TAFA5: variants seen among roughly 807,000 people sequenced by gnomAD.
TAFA5 encodes TAFA chemokine like family member 5, also known as chemokine-like protein TAFA-5.
A neutral mutation model predicts 15.3 loss-of-function variants in TAFA5; 6 were observed. The ratio of observed to expected loss-of-function variants is 0.39; its 90% CI spans 0.21 to 0.77. TAFA5 has a LOEUF of 0.77. TAFA5 is among the 30% of genes least tolerant of loss of function. The pLI, the probability that TAFA5 is intolerant of heterozygous loss-of-function variation, is 0.41. For missense variants in TAFA5, 161 were observed against 193.1 expected (o/e 0.83, Z 0.98); for synonymous variants, 103 against 80.7 (o/e 1.28, Z -1.48).
At chr22:48,524,100 C>G (rs974895087) in intron 1 of TAFA5, among the ~76,000 whole-genome samples, 1 of 152,222 alleles carries the variant, frequency 6.6e-6, no homozygotes, top group Non-Finnish European at 1.5e-5. Context: ...TTATTTTAGT[C>G]CATTATGGCT....
intron 1 of TAFA5, among the ~76,000 whole-genome samples, chr22:48,565,723 T>C (rs1923386195): frequency 6.6e-6 from 1 of 152,234 alleles, no homozygotes; most frequent in Non-Finnish European, 1.5e-5. Flanking sequence ...GGAACACACA[T>C]GCTGGCTTCA....
Position 48,750,661 on chromosome 22 carries a change from C to T in TAFA5, c.*814C>T, listed in dbSNP as rs764024174. Reference sequence around the variant, plus strand: ...TAACCAGTTAAACATGCCTCTTCTACAGCTCCATTTTTGATAGTTGGATAA... The same window carrying T: ...TAACCAGTTAAACATGCCTCTTCTATAGCTCCATTTTTGATAGTTGGATAA... On this transcript the variant is annotated 3_prime_UTR_variant, in exon 4 of 4. Coordinates refer to ENST00000402357, the MANE Select transcript of TAFA5 (RefSeq NM_001082967.3). The T allele has an allele frequency of 6.5e-6, 1 of 153,110 alleles. No homozygotes were observed. The highest frequency in any genetic ancestry group is 1.5e-5 in the Non-Finnish European group (1 of 68,172). The allele number at this position is 153,110 out of a possible 1,614,324, so 9.5% of individuals were successfully genotyped here.
intron 1 of TAFA5, among the ~76,000 whole-genome samples, chr22:48,494,670 C>T (rs1928264861): frequency 6.6e-6 from 1 of 152,140 alleles, no homozygotes; most frequent in African/African-American, 2.4e-5. Context: ...CTGTGGAGGC[C>T]CTGGATAGGC....
chr22:48,680,522 G>T (rs1184403101), intron 2 of TAFA5, among the ~76,000 whole-genome samples: 1 of 152,134 alleles, frequency 6.6e-6, no homozygotes, highest in African/African-American at 2.4e-5. Flanking sequence ...ACCAAGAAAG[G>T]GAAGTGGGCA....
intron 1 of TAFA5, among the ~76,000 whole-genome samples, chr22:48,616,520 C>T (rs746634687): frequency 2.6e-4 from 40 of 152,314 alleles, no homozygotes; most frequent in Admixed American, 1.2e-3. Flanking sequence ...GCTCCTGGAG[C>T]CTGGCCGCTT....
Position 48,658,878 on chromosome 22 carries a change from G to T in TAFA5, c.262+12132G>T, listed in dbSNP as rs577514183. ...GTTCAGATGGACAGTGCCCTGTGCT[G>T]AGGGGTGTGGAGGGAGCAGTGACAA... On this transcript the variant is annotated intron_variant, in intron 2 of 3. Coordinates refer to ENST00000402357, the MANE Select transcript of TAFA5 (RefSeq NM_001082967.3). Among the ~76,000 whole-genome samples, 11 of 152,356 alleles carry T rather than the reference G, an allele frequency of 7.2e-5. No individual in the cohort carries two copies. In the East Asian group the frequency reaches 1.9e-3, roughly 27 times the overall value.
chr22:48,489,688 G>A lies in TAFA5; in HGVS notation c.96G>A (p.Leu32=). ...GGGCGTTCATGATCCTGGCCAGCCT[G>A]CTCATCGCCTACTGCAGTGAGTACC... ...TFWAFMILAS[L]LIAYCSQLAA... Residue 32 remains leucine (L), a synonymous_variant, in exon 1 of 4, where the codon CTG becomes CTA. Transcript: ENST00000402357. This position sits in a 1 kb window ranked among gnomAD's most constrained non-coding sequence, Gnocchi z 5.5. The A allele has an allele frequency of 6.6e-7, 1 of 1,515,086 alleles. No homozygotes were observed. The highest frequency in any genetic ancestry group is 8.8e-7 in the Non-Finnish European group (1 of 1,130,052). 93.9% of individuals were successfully genotyped at this position (1,515,086 alleles called of 1,614,324 possible).
At chr22:48,687,273 A>G (rs1928392192) in intron 2 of TAFA5, among the ~76,000 whole-genome samples, 1 of 146,096 alleles carries the variant, frequency 6.8e-6, no homozygotes, top group Non-Finnish European at 1.5e-5. Context: ...GGGTGGATGA[A>G]TGGATGGTGG....
At chr22:48,564,448 T>C (rs1601582356) in intron 1 of TAFA5, among the ~76,000 whole-genome samples, 1 of 152,232 alleles carries the variant, frequency 6.6e-6, no homozygotes, top group Non-Finnish European at 1.5e-5. Flanking sequence ...AGGCTGTGGG[T>C]TGGCTTCCAA....
At chr22:48,707,950 C>T (rs1929134244) in intron 3 of TAFA5, 106 bp downstream of exon 3, 2 of 1,444,070 alleles carry the variant, frequency 1.4e-6, no homozygotes, top group South Asian at 2.6e-5. Context: ...GCTGCTCACT[C>T]CATCCTCATG....
Position 48,552,442 on chromosome 22 carries a change from G to A in TAFA5, c.112+62738G>A, listed in dbSNP as rs561100130. 3.9e-5 allele frequency among the ~76,000 whole-genome samples: 6 copies of A among 152,286 alleles called. No individual in the cohort carries two copies. In the East Asian group the frequency reaches 7.8e-4, roughly 20 times the overall value. ...CTGGCTGACTCTGTCAGCGCTGCCT[G>A]CTGTGGGAAGCCCTTATGAGCGTGT... On this transcript the variant is annotated intron_variant, in intron 1 of 3. Transcript: ENST00000402357. This position sits in a 1 kb window ranked among gnomAD's most constrained non-coding sequence, Gnocchi z 4.1.
At chr22:48,645,070 A>G (rs1926816756) in intron 1 of TAFA5, among the ~76,000 whole-genome samples, 1 of 152,256 alleles carries the variant, frequency 6.6e-6, no homozygotes, top group African/African-American at 2.4e-5. Flanking sequence ...GAGGGCTTGC[A>G]GCAGGCACTC....
chr22:48,745,142 G>C (rs898658599), intron 3 of TAFA5, among the ~76,000 whole-genome samples: 6 of 152,276 alleles, frequency 3.9e-5, no homozygotes, highest in African/African-American at 1.4e-4. Context: ...CTGCTACCCA[G>C]TCCTGGCTCT....
intron 2 of TAFA5, among the ~76,000 whole-genome samples, chr22:48,664,126 G>A (rs1927535181): frequency 6.6e-6 from 1 of 152,212 alleles, no homozygotes; most frequent in African/African-American, 2.4e-5. Context: ...AGTTAAGATG[G>A]AAAAGGCGTT....
chr22:48,642,548 A>G (rs1273547702), intron 1 of TAFA5, among the ~76,000 whole-genome samples: 4 of 152,000 alleles, frequency 2.6e-5, no homozygotes, highest in Non-Finnish European at 2.9e-5. Flanking sequence ...ACCACTGAGG[A>G]CCCTGTCCCT....
chr22:48,564,285 C>A (rs1396261693), intron 1 of TAFA5, among the ~76,000 whole-genome samples: 1 of 152,264 alleles, frequency 6.6e-6, no homozygotes, highest in Non-Finnish European at 1.5e-5. Flanking sequence ...GATGGGAGGC[C>A]TAGGCCTGGG....
chr22:48,519,356 T>C (rs1921525272), intron 1 of TAFA5, among the ~76,000 whole-genome samples: 2 of 152,274 alleles, frequency 1.3e-5, no homozygotes, highest in African/African-American at 4.8e-5. Flanking sequence ...CTAATCTGTT[T>C]ATCGCGCAAT....
At chr22:48,622,265 G>A (rs1449382860) in intron 1 of TAFA5, among the ~76,000 whole-genome samples, 1 of 152,182 alleles carries the variant, frequency 6.6e-6, no homozygotes, top group Non-Finnish European at 1.5e-5. Context: ...TCAGTGACCC[G>A]GAGGAGAGGG....
intron 1 of TAFA5, among the ~76,000 whole-genome samples, chr22:48,493,153 C>A (rs1285161439): frequency 6.6e-6 from 1 of 152,166 alleles, no homozygotes; most frequent in Non-Finnish European, 1.5e-5. Flanking sequence ...GCGTTGAAAT[C>A]AAAGGTGAAG....
Sources: gnomAD v4.1 joint callset for allele counts (sites outside exome capture counted in the v4.1 genomes callset) on GRCh38, gnomAD v4.1.1 for gene constraint, Gnocchi (gnomAD v3.1) non-coding constraint, MANE v1.5 for transcripts, NCBI Gene and HGNC (gene_info 2026-07-23, HGNC 2026-07-21) for gene names.